ATXN1: variants seen among roughly 807,000 people sequenced by gnomAD.
The protein encoded by ATXN1 is ataxin-1.
In ATXN1, 8 loss-of-function variants were observed where a neutral mutation model predicts 56.4. The observed-to-expected ratio is 0.14, with a 90% CI of 0.08 to 0.26. ATXN1 has a LOEUF of 0.26. Ranked by LOEUF, ATXN1 falls within the 10% of genes least tolerant of loss-of-function variation. The pLI, the probability that ATXN1 is intolerant of heterozygous loss-of-function variation, is 1.00. For synonymous variants in ATXN1, 514 were observed against 494.6 expected (o/e 1.04, Z -0.52); for missense variants, 987 against 1,106.5 (o/e 0.89, Z 1.53).
At chr6:16,455,889 C>T (rs577681409) in intron 6 of ATXN1, among the ~76,000 whole-genome samples, 74 of 152,134 alleles carry the variant, frequency 4.9e-4, no homozygotes, top group African/African-American at 1.6e-3. Context: ...CACCAATCAA[C>T]GCTCTGTAAA....
chr6:16,434,319 T>C (rs1313951704), intron 6 of ATXN1, among the ~76,000 whole-genome samples: 1 of 152,210 alleles, frequency 6.6e-6, no homozygotes, highest in East Asian at 1.9e-4. Context: ...ATTTCAATTA[T>C]CTGTGCTACC....
chr6:16,584,367 T>G (rs1762586040), intron 4 of ATXN1, among the ~76,000 whole-genome samples: 2 of 151,552 alleles, frequency 1.3e-5, no homozygotes, highest in South Asian at 4.2e-4. Flanking sequence ...ACATATCTAA[T>G]AAAATTTTTT....
intron 6 of ATXN1, among the ~76,000 whole-genome samples, chr6:16,379,417 A>C (rs1762207232): frequency 6.6e-6 from 1 of 152,176 alleles, no homozygotes; most frequent in Non-Finnish European, 1.5e-5. Context: ...AAATAAAATA[A>C]AAATTTTAAG....
At chr6:16,703,162 T>C (rs927843120) in intron 2 of ATXN1, among the ~76,000 whole-genome samples, 98 of 152,066 alleles carry the variant, frequency 6.4e-4, no homozygotes, top group Non-Finnish European at 1.1e-3. Context: ...TAAAAAATGA[T>C]GAGTTCATGT....
At chr6:16,407,631 G>A (rs1200678449) in intron 6 of ATXN1, among the ~76,000 whole-genome samples, 1 of 152,218 alleles carries the variant, frequency 6.6e-6, no homozygotes, top group Non-Finnish European at 1.5e-5. Flanking sequence ...AAAATTCCCA[G>A]GGGCACAGTT....
intron 2 of ATXN1, among the ~76,000 whole-genome samples, chr6:16,716,104 C>G (rs899831646): frequency 5.6e-4 from 85 of 152,288 alleles, no homozygotes; most frequent in African/African-American, 2.0e-3. Flanking sequence ...GATCACAGTC[C>G]TATGATGATA....
At chr6:16,615,480 G>T (rs1763191072) in intron 3 of ATXN1, 1 of 140,296 alleles carries the variant, frequency 7.1e-6, no homozygotes, top group South Asian at 2.6e-4. Flanking sequence ...CCTCTTGGTG[G>T]GCCCCAGTAT....
chr6:16,447,637 G>A (rs1759662510), intron 6 of ATXN1, among the ~76,000 whole-genome samples: 1 of 152,172 alleles, frequency 6.6e-6, no homozygotes, highest in South Asian at 2.1e-4. Context: ...GATTACAGGT[G>A]TGAGCTACTG....
intron 4 of ATXN1, among the ~76,000 whole-genome samples, chr6:16,577,100 G>C (rs1762436474): frequency 6.6e-6 from 1 of 152,126 alleles, no homozygotes; most frequent in Non-Finnish European, 1.5e-5. Flanking sequence ...CTTGTCCCCA[G>C]ACCACAGACA....
At position 16,520,101 on chromosome 6, in the gene ATXN1, C is replaced by T. The variant is rs115654424; in HGVS notation, c.-299+2526G>A. 3.4e-3 allele frequency among the ~76,000 whole-genome samples: 523 copies of T among 152,208 alleles called. 4 individuals are homozygous for T. The highest frequency in any genetic ancestry group is 0.012 in the African/African-American group (487 of 41,526). On this transcript the variant is annotated intron_variant, in intron 5 of 7. Coordinates refer to ENST00000436367, the MANE Select transcript of ATXN1 (RefSeq NM_001128164.2). The stretch of plus-strand genomic sequence containing the variant: ...TGGCCTCTAGCAAATAAAATCACAG[C>T]GCTGGCAAGAGCATTTCCCTGGATT...
chr6:16,650,899 G>A (rs142711630), intron 3 of ATXN1, among the ~76,000 whole-genome samples: 210 of 152,280 alleles, frequency 1.4e-3, no homozygotes, highest in African/African-American at 4.7e-3. Flanking sequence ...ATTCTAGTTC[G>A]GGAGGAAAGG....
chr6:16,640,852 C>A (rs1719643347), intron 3 of ATXN1, among the ~76,000 whole-genome samples: 1 of 152,246 alleles, frequency 6.6e-6, no homozygotes, highest in East Asian at 1.9e-4. Context: ...TGACATATGT[C>A]AAAAGCCAGG....
At chr6:16,358,607 G>A (rs1039910333) in intron 6 of ATXN1, among the ~76,000 whole-genome samples, 2 of 152,208 alleles carry the variant, frequency 1.3e-5, no homozygotes, top group Admixed American at 6.5e-5. Flanking sequence ...CTGGCTGCGC[G>A]GCTGGTGCTG....
intron 6 of ATXN1, among the ~76,000 whole-genome samples, chr6:16,439,390 TTGGGGTGGGGTGGG>T (rs1759466474): frequency 8.6e-5 from 1 of 11,694 alleles, no homozygotes; most frequent in African/African-American, 4.5e-4. Context: ...GGAATAAGGG[TTGGGGTGGGGTGGG>T]GATGCTGACA....
At chr6:16,653,630 C>T (rs551748590) in intron 3 of ATXN1, among the ~76,000 whole-genome samples, 1 of 152,296 alleles carries the variant, frequency 6.6e-6, no homozygotes, top group Non-Finnish European at 1.5e-5. Flanking sequence ...TAGTCAGGGG[C>T]TCCTGTCATT....
chr6:16,549,841 A>C (rs1761883341), intron 4 of ATXN1, among the ~76,000 whole-genome samples: 1 of 143,332 alleles, frequency 7.0e-6, no homozygotes, highest in African/African-American at 2.6e-5. Context: ...GATTGTGGTG[A>C]GCCGAGATCG....
intron 5 of ATXN1, among the ~76,000 whole-genome samples, chr6:16,514,972 G>A (rs1419343264): frequency 1.3e-5 from 2 of 151,170 alleles, no homozygotes; most frequent in Non-Finnish European, 2.9e-5. Context: ...ACAGAGCGAG[G>A]CTCTGTCTCA....
chr6:16,670,721 A>G (rs940805797), intron 2 of ATXN1, among the ~76,000 whole-genome samples: 1 of 152,226 alleles, frequency 6.6e-6, no homozygotes, highest in African/African-American at 2.4e-5. Context: ...CCACATATTC[A>G]AAACACTACT....
At chr6:16,325,773 T>C (rs1005884677) in intron 7 of ATXN1, among the ~76,000 whole-genome samples, 3 of 152,144 alleles carry the variant, frequency 2.0e-5, no homozygotes, top group Non-Finnish European at 4.4e-5. Flanking sequence ...TATATATATG[T>C]TGGAGACCGG....
Sources: allele counts gnomAD v4.1 joint callset (sites outside exome capture counted in the v4.1 genomes callset), GRCh38; gene constraint gnomAD v4.1.1; transcripts MANE v1.5; gene names NCBI Gene and HGNC (gene_info 2026-07-23, HGNC 2026-07-21).